The following PHACTR3 variants were observed in gnomAD, a reference collection of about 807,000 sequenced individuals.
PHACTR3 encodes the protein phosphatase and actin regulator 3, also known as protein phosphatase 1, regulatory subunit 123.
In PHACTR3, 16 loss-of-function variants were observed where a neutral mutation model predicts 66.8. That is an observed-to-expected ratio of 0.24 (90% CI 0.16 to 0.36). PHACTR3 has a LOEUF of 0.36. Among genes scored for constraint, PHACTR3 ranks in the 10% least tolerant of loss-of-function variants. The pLI is 1.00. For synonymous variants in PHACTR3, 323 were observed against 292.1 expected (o/e 1.11, Z -1.08); for missense variants, 647 against 719.9 (o/e 0.90, Z 1.16).
chr20:59,630,153 G>T (rs111830897), intron 1 of PHACTR3, among the ~76,000 whole-genome samples: 1 of 152,010 alleles, frequency 6.6e-6, no homozygotes, highest in Non-Finnish European at 1.5e-5. Flanking sequence ...TATAAAGAAC[G>T]TTCATATCAG....
chr20:59,802,295 G>C (rs2041436446), intron 7 of PHACTR3, among the ~76,000 whole-genome samples: 1 of 152,206 alleles, frequency 6.6e-6, no homozygotes, highest in Non-Finnish European at 1.5e-5. Flanking sequence ...AATGTGGACA[G>C]AGAGTGAAGG....
At chr20:59,792,123 C>G (rs1055672479) in intron 7 of PHACTR3, among the ~76,000 whole-genome samples, 2 of 152,150 alleles carry the variant, frequency 1.3e-5, no homozygotes, top group Admixed American at 1.3e-4. Flanking sequence ...GCAGCTCTTC[C>G]TGGGATCAAA....
chr20:59,787,961 GTTTTA>G (rs1354688272), intron 7 of PHACTR3, among the ~76,000 whole-genome samples: 3 of 152,038 alleles, frequency 2.0e-5, no homozygotes, highest in African/African-American at 7.2e-5. Flanking sequence ...GCATTTTTCC[GTTTTA>G]TTTTATTTCT....
At chr20:59,584,915 AC>A (rs1308702094) in intron 1 of PHACTR3, among the ~76,000 whole-genome samples, 2 of 146,574 alleles carry the variant, frequency 1.4e-5, no homozygotes, top group African/African-American at 5.1e-5. Context: ...CCCAGCCCCC[AC>A]CCCCTCAGCA....
intron 1 of PHACTR3, among the ~76,000 whole-genome samples, chr20:59,669,851 A>G (rs1232050922): frequency 6.6e-6 from 1 of 152,226 alleles, no homozygotes; most frequent in Non-Finnish European, 1.5e-5. Flanking sequence ...TGGATACATC[A>G]CACTTTGTTT....
intron 1 of PHACTR3, among the ~76,000 whole-genome samples, chr20:59,683,341 G>C (rs988508352): frequency 6.6e-6 from 1 of 152,218 alleles, no homozygotes; most frequent in Admixed American, 6.5e-5. Context: ...CTGTGCTTGG[G>C]AGAGAGGTTT....
intron 8 of PHACTR3, among the ~76,000 whole-genome samples, chr20:59,826,749 G>A (rs1437373376): frequency 6.6e-6 from 1 of 152,090 alleles, no homozygotes. Flanking sequence ...CTTCCCTGCA[G>A]GGTGCGTCTC....
chr20:59,737,335 C>G (rs754795048), intron 1 of PHACTR3, among the ~76,000 whole-genome samples: 4 of 152,108 alleles, frequency 2.6e-5, no homozygotes, highest in Admixed American at 1.3e-4. Flanking sequence ...CTCTCTATGT[C>G]CCCCTGGCAC....
chr20:59,763,734 A>T (rs1029211466), intron 4 of PHACTR3, among the ~76,000 whole-genome samples: 11 of 152,196 alleles, frequency 7.2e-5, no homozygotes, highest in African/African-American at 2.2e-4. Context: ...ATCCTGGGGC[A>T]GCCCAGGTGG....
chr20:59,594,734 A>G (rs1232288260), intron 1 of PHACTR3, among the ~76,000 whole-genome samples: 1 of 152,150 alleles, frequency 6.6e-6, no homozygotes, highest in Non-Finnish European at 1.5e-5. Context: ...TTTTCAAAGT[A>G]CCAGCTTTTG....
At chr20:59,710,185 C>T (rs1269028166) in intron 1 of PHACTR3, among the ~76,000 whole-genome samples, 1 of 151,762 alleles carries the variant, frequency 6.6e-6, no homozygotes, top group Non-Finnish European at 1.5e-5. Flanking sequence ...AATCAAAAGG[C>T]TTATCTTAAC....
upstream of PHACTR3, among the ~76,000 whole-genome samples, chr20:59,602,659 T>C (rs2033513358): frequency 1.3e-5 from 2 of 152,172 alleles, no homozygotes; most frequent in African/African-American, 4.8e-5. Flanking sequence ...TATCCCTTCC[T>C]GCCCATCCCC....
At chr20:59,614,414 G>A (rs1263564892) in intron 1 of PHACTR3, among the ~76,000 whole-genome samples, 1 of 152,230 alleles carries the variant, frequency 6.6e-6, no homozygotes, top group Non-Finnish European at 1.5e-5. Flanking sequence ...TAGAGTTGTT[G>A]AAGGTCCCGT....
chr20:59,792,229 G>A (rs2041125762), intron 7 of PHACTR3, among the ~76,000 whole-genome samples: 1 of 152,200 alleles, frequency 6.6e-6, no homozygotes, highest in South Asian at 2.1e-4. Flanking sequence ...TCTGTTGATG[G>A]ACATATGGGT....
intron 1 of PHACTR3, among the ~76,000 whole-genome samples, chr20:59,701,815 A>G (rs2037515745): frequency 6.6e-6 from 1 of 152,202 alleles, no homozygotes; most frequent in Non-Finnish European, 1.5e-5. Flanking sequence ...GAATGTATTC[A>G]CCATTACAGT....
chr20:59,595,152 T>C (rs112163182), intron 1 of PHACTR3, among the ~76,000 whole-genome samples: 100 of 152,320 alleles, frequency 6.6e-4, no homozygotes, highest in African/African-American at 2.3e-3. Flanking sequence ...AGAGCAGATA[T>C]TGTATAATTT....
intron 1 of PHACTR3, among the ~76,000 whole-genome samples, chr20:59,709,369 T>A (rs1403823609): frequency 6.6e-6 from 1 of 152,172 alleles, no homozygotes; most frequent in East Asian, 1.9e-4. Flanking sequence ...TAAATCCATT[T>A]GGGATTTTTA....
intron 1 of PHACTR3, among the ~76,000 whole-genome samples, chr20:59,586,643 A>G (rs779471133): frequency 3.9e-5 from 6 of 152,170 alleles, no homozygotes; most frequent in Admixed American, 2.0e-4. Context: ...GTGAAAGTGC[A>G]GAATATTGTA....
intron 8 of PHACTR3, among the ~76,000 whole-genome samples, chr20:59,827,381 A>T (rs1462776046): frequency 6.6e-6 from 1 of 152,088 alleles, no homozygotes; most frequent in Non-Finnish European, 1.5e-5. Flanking sequence ...TCCCAGGGGC[A>T]CTAACCCAAC....
Sources: gnomAD v4.1 joint callset for allele counts (sites outside exome capture counted in the v4.1 genomes callset) on GRCh38, gnomAD v4.1.1 for gene constraint, MANE v1.5 for transcripts, NCBI Gene and HGNC (gene_info 2026-07-23, HGNC 2026-07-21) for gene names.